The following DTWD1 variants were observed in gnomAD, a reference collection of about 807,000 sequenced individuals.
DTWD1 encodes DTW motif tRNA-uridine aminocarboxypropyltransferase 1.
A neutral mutation model predicts 30.2 loss-of-function variants in DTWD1; 27 were observed. The observed-to-expected ratio is 0.90, with a 90% CI of 0.66 to 1.23. The LOEUF (loss-of-function observed/expected upper bound fraction) is 1.23. DTWD1 is among the 50% of genes most tolerant of loss of function. The pLI is 0.00. For missense variants in DTWD1, 342 were observed against 348.8 expected (o/e 0.98, Z 0.15); for synonymous variants, 99 against 113.1 (o/e 0.88, Z 0.79).
At position 49,655,270 on chromosome 15, in the gene DTWD1, T is replaced by C. The variant is rs1202383746; in HGVS notation, c.*11692T>C. The C allele has an allele frequency of 6.6e-6, 1 of 152,024 alleles. No individual in the cohort carries two copies. The highest frequency in any genetic ancestry group is 1.9e-4 in the East Asian group (1 of 5,172). The allele number at this position is 152,024 out of a possible 1,614,324, so 9.4% of individuals were successfully genotyped here. ...CCAGCCAGTACACAGAAATGAGAAATTTTAAAATGGTTGATTTAGGTAATT... is the reference window on the plus strand; with the variant it reads ...CCAGCCAGTACACAGAAATGAGAAACTTTAAAATGGTTGATTTAGGTAATT... On this transcript the variant is annotated 3_prime_UTR_variant, in exon 5 of 5. Transcript: ENST00000403028.
chr15:49,634,557 C>G lies in DTWD1; in HGVS notation c.430C>G (p.Pro144Ala). 6.2e-7 allele frequency: 1 copy of G among 1,610,372 alleles called. No individual in the cohort carries two copies. ...TTAGGTTGCACTCATTTTTCCTGGA[C>G]CTCAGTCTATCTCAATAAAAGATAT... ...DHEVALIFPGPQSISIKDISF... is the reference protein window; with the variant it reads ...DHEVALIFPGAQSISIKDISF... The change falls in exon 4 of 5, where the codon CCT (proline) becomes GCT (alanine). Residue 144 changes from proline (P) to alanine (A), a missense_variant. Transcript: ENST00000403028.
At position 49,652,526 on chromosome 15, in the gene DTWD1, C is replaced by G. The variant is rs1226668649; in HGVS notation, c.*8948C>G. Reference sequence around the variant, plus strand: ...GTCTGAATTATACCAGATAAACCACCAGGAGCAGCAGAGGTGGTAGCAGAG... The same window carrying G: ...GTCTGAATTATACCAGATAAACCACGAGGAGCAGCAGAGGTGGTAGCAGAG... On this transcript the variant is annotated 3_prime_UTR_variant, in exon 5 of 5. Transcript: ENST00000403028. The G allele has an allele frequency of 7.3e-6, 1 of 136,588 alleles. No homozygotes were observed. The highest frequency in any genetic ancestry group is 1.9e-4 in the East Asian group (1 of 5,162). 8.5% of individuals were successfully genotyped at this position (136,588 alleles called of 1,614,324 possible). A position where few individuals can be genotyped will look rare whatever the true frequency, so the allele number is the denominator to read the frequency against.
chr15:49,629,673 G>T (rs1184604239), intron 2 of DTWD1: 1 of 152,174 alleles, frequency 6.6e-6, no homozygotes, highest in Non-Finnish European at 1.5e-5. Flanking sequence ...CTCTGATGTA[G>T]TGTTCAGCCA....
At chr15:49,635,851 CAT>C (rs2078995071) in intron 4 of DTWD1, among the ~76,000 whole-genome samples, 1 of 152,250 alleles carries the variant, frequency 6.6e-6, no homozygotes, top group African/African-American at 2.4e-5. Context: ...TAGTAAACTA[CAT>C]GTTTCCAGAG....
intron 2 of DTWD1, among the ~76,000 whole-genome samples, chr15:49,626,401 C>T (rs968067005): frequency 7.2e-5 from 11 of 151,964 alleles, no homozygotes; most frequent in East Asian, 1.9e-4. Flanking sequence ...ATTTTAAGCC[C>T]GATTTGATTG....
intron 4 of DTWD1, among the ~76,000 whole-genome samples, chr15:49,635,786 G>A (rs748331850): frequency 1.3e-5 from 2 of 152,102 alleles, no homozygotes; most frequent in African/African-American, 4.8e-5. Flanking sequence ...GAGCCACCAC[G>A]CGCAGCCTTC....
chr15:49,643,616 C>T lies in DTWD1; in HGVS notation c.*38C>T, dbSNP rs1205077718. 6.6e-7 allele frequency: 1 copy of T among 1,526,102 alleles called. No homozygotes were observed. Among genetic ancestry groups the T allele is most frequent in the Non-Finnish European group, 8.8e-7 (1 of 1,136,068 alleles). The allele number at this position is 1,526,102 out of a possible 1,614,324, so 94.5% of individuals were successfully genotyped here. Reference sequence around the variant, plus strand: ...CACTTATGTCTTTTTATTTTGCTAACATTAATAAACTTATATTTGTGCTTT... The same window carrying T: ...CACTTATGTCTTTTTATTTTGCTAATATTAATAAACTTATATTTGTGCTTT... On this transcript the variant is annotated 3_prime_UTR_variant, in exon 5 of 5. Coordinates refer to ENST00000403028, the MANE Select transcript of DTWD1 (RefSeq NM_001144955.2).
intron 4 of DTWD1, among the ~76,000 whole-genome samples, chr15:49,638,260 G>C (rs1436983048): frequency 4.6e-5 from 7 of 152,186 alleles, no homozygotes; most frequent in African/African-American, 1.4e-4. Flanking sequence ...TCTCTTTTCA[G>C]AGTGTCCAAA....
intron 1 of DTWD1, 143 bp from the exon 2 acceptor site, chr15:49,624,970 G>C (rs185364876): frequency 9.5e-5 from 51 of 537,654 alleles, no homozygotes; most frequent in Middle Eastern, 9.4e-4. Flanking sequence ...GTTTTAAAGT[G>C]TGCCAATTTG....
chr15:49,624,420 T>C (rs2078811393), intron 1 of DTWD1, among the ~76,000 whole-genome samples: 1 of 152,236 alleles, frequency 6.6e-6, no homozygotes. Flanking sequence ...GAAGAAAATA[T>C]TAAGTGGGAA....
At position 49,648,053 on chromosome 15, in the gene DTWD1, A is replaced by T. The variant is rs1360112494; in HGVS notation, c.*4475A>T. The T allele has an allele frequency of 6.6e-6, 1 of 152,196 alleles. No homozygotes were observed. Among genetic ancestry groups the T allele is most frequent in the Non-Finnish European group, 1.5e-5 (1 of 68,028 alleles). 9.4% of individuals were successfully genotyped at this position (152,196 alleles called of 1,614,324 possible). Reference sequence around the variant, plus strand: ...ATAGGCTACATGTTACATTGTATTTAATTAAAAACCTTAAGAGGAAAGGCA... The same window carrying T: ...ATAGGCTACATGTTACATTGTATTTTATTAAAAACCTTAAGAGGAAAGGCA... On this transcript the variant is annotated 3_prime_UTR_variant, in exon 5 of 5. Transcript: ENST00000403028.
chr15:49,625,659 G>T, intron 2 of DTWD1: 1 of 485,512 alleles, frequency 2.1e-6, no homozygotes. Flanking sequence ...CCGAACAAAG[G>T]AAGGAAGGGA....
chr15:49,640,519 C>G (rs920276219), intron 4 of DTWD1, among the ~76,000 whole-genome samples: 4 of 152,124 alleles, frequency 2.6e-5, no homozygotes, highest in African/African-American at 9.6e-5. Flanking sequence ...AATTGTTTTT[C>G]AAAGTGGACA....
At chr15:49,622,400 A>G (rs1489730065) in intron 1 of DTWD1, among the ~76,000 whole-genome samples, 1 of 152,232 alleles carries the variant, frequency 6.6e-6, no homozygotes, top group Admixed American at 6.5e-5. Context: ...GAGTGAAGAT[A>G]GAGGATTATA....
intron 3 of DTWD1, 151 bp downstream of exon 3, chr15:49,632,453 C>A: frequency 1.4e-6 from 1 of 729,846 alleles, no homozygotes. Context: ...CAGTTTATTT[C>A]ATTGATATCT....
In DTWD1 at chr15:49,643,723, T is replaced by C; in HGVS notation, c.*145T>C. 1 of 849,076 alleles carries C rather than the reference T, an allele frequency of 1.2e-6. No homozygotes were observed. Among genetic ancestry groups the C allele is most frequent in the Non-Finnish European group, 1.6e-6 (1 of 609,288 alleles). The allele number at this position is 849,076 out of a possible 1,614,324, so 52.6% of individuals were successfully genotyped here. ...CAGTTTCATATATATCACTTCATAT[T>C]TCTTGAAGGAAATTGTATCTGGGGG... On this transcript the variant is annotated 3_prime_UTR_variant, in exon 5 of 5. Coordinates refer to ENST00000403028, the MANE Select transcript of DTWD1 (RefSeq NM_001144955.2).
At chr15:49,627,285 T>C (rs549786584) in intron 2 of DTWD1, among the ~76,000 whole-genome samples, 1 of 152,320 alleles carries the variant, frequency 6.6e-6, no homozygotes, top group East Asian at 1.9e-4. Flanking sequence ...GATACTTTAA[T>C]ATACATTAAT....
chr15:49,622,233 A>G (rs970987528), intron 1 of DTWD1, among the ~76,000 whole-genome samples: 1 of 152,234 alleles, frequency 6.6e-6, no homozygotes, highest in Non-Finnish European at 1.5e-5. Context: ...ACAGAGTTGA[A>G]TGCTGGAGGG....
At chr15:49,640,901 CT>C (rs983172385) in intron 4 of DTWD1, among the ~76,000 whole-genome samples, 3 of 151,924 alleles carry the variant, frequency 2.0e-5, no homozygotes, top group African/African-American at 7.2e-5. Flanking sequence ...GAATTTATCA[CT>C]ATGTTTGTGT....
Sources: allele counts gnomAD v4.1 joint callset (sites outside exome capture counted in the v4.1 genomes callset), GRCh38; gene constraint gnomAD v4.1.1; transcripts MANE v1.5; gene names NCBI Gene and HGNC (gene_info 2026-07-23, HGNC 2026-07-21).